Variants in NR3C2 observed in about 807,000 individuals in gnomAD.
The protein encoded by NR3C2 is mineralocorticoid receptor.
A neutral mutation model predicts 86.4 loss-of-function variants in NR3C2; 15 were observed. The observed-to-expected ratio is 0.17, with a 90% CI of 0.12 to 0.27. NR3C2 has a LOEUF of 0.27. Among genes scored for constraint, NR3C2 ranks in the 10% least tolerant of loss-of-function variants. NR3C2 has a pLI of 1.00. For synonymous variants in NR3C2, 458 were observed against 450.5 expected, an observed-to-expected ratio of 1.02 and a Z score of -0.21; for missense variants, 960 against 1,195.6, an observed-to-expected ratio of 0.80 and a Z score of 2.91.
intron 2 of NR3C2, among the ~76,000 whole-genome samples, chr4:148,345,268 G>C (rs907768120): frequency 1.3e-5 from 2 of 151,888 alleles, no homozygotes; most frequent in Non-Finnish European, 2.9e-5. Flanking sequence ...ATTTCAGAGA[G>C]AGACAATACA....
chr4:148,397,508 T>C (rs1381275232), intron 2 of NR3C2, among the ~76,000 whole-genome samples: 1 of 152,216 alleles, frequency 6.6e-6, no homozygotes. Context: ...CCTGCCAAAA[T>C]GTATTATCAC....
rs754959286 is a variant in NR3C2 at position 148,080,848 on chromosome 4, AACAGGAATCTGT to A, written c.*484_*495del. The A allele has an allele frequency of 2.5e-6, 1 of 407,370 alleles. No homozygotes were observed. Among genetic ancestry groups the A allele is most frequent in the South Asian group, 1.8e-5 (1 of 55,966 alleles). The allele number at this position is 407,370 out of a possible 1,614,324, so 25.2% of individuals were successfully genotyped here. Reference sequence around the variant, plus strand: ...CACGCCACGAGTTCTGTTATTACACAACAGGAATCTGTATATATTTTTTTATTATTTTTTTGT... The same window carrying A: ...CACGCCACGAGTTCTGTTATTACACAATATATTTTTTTATTATTTTTTTGT... On this transcript the variant is annotated 3_prime_UTR_variant, in exon 9 of 9. Transcript: ENST00000358102.
chr4:148,246,801 G>T (rs1346728292), intron 3 of NR3C2, among the ~76,000 whole-genome samples: 1 of 152,090 alleles, frequency 6.6e-6, no homozygotes, highest in Non-Finnish European at 1.5e-5. Flanking sequence ...GATCCGCCCC[G>T]CCTTGGCCTC....
intron 4 of NR3C2, among the ~76,000 whole-genome samples, chr4:148,171,817 G>A (rs1374552363): frequency 1.3e-5 from 2 of 152,186 alleles, no homozygotes; most frequent in South Asian, 2.1e-4. Context: ...CTTAAACACA[G>A]CACTGCTTAT....
At chr4:148,241,480 T>G (rs1739043693) in intron 3 of NR3C2, among the ~76,000 whole-genome samples, 2 of 151,852 alleles carry the variant, frequency 1.3e-5, no homozygotes, top group Non-Finnish European at 2.9e-5. Flanking sequence ...TCTTTGGCAT[T>G]CTAGCCTCCT....
chr4:148,126,134 G>C (rs1285740017), intron 6 of NR3C2, among the ~76,000 whole-genome samples: 1 of 152,238 alleles, frequency 6.6e-6, no homozygotes, highest in Non-Finnish European at 1.5e-5. Flanking sequence ...CAGCCCATCA[G>C]CCTTTCAGCA....
In NR3C2 at chr4:148,096,672, T is replaced by G. The variant is rs546891127; in HGVS notation, c.2800-15173A>C. Among the ~76,000 whole-genome samples the G allele has an allele frequency of 4.6e-5, 7 of 152,254 alleles. No homozygotes were observed. The East Asian group carries it at 1.4e-3, about 30-fold the overall frequency. On this transcript the variant is annotated intron_variant, in intron 8 of 8. Transcript: ENST00000358102. ...TTTTAAGTTTTTTCCATGTTTGTGT[T>G]TTTTATACTTTTAAATGACTGAAAA...
intron 2 of NR3C2, among the ~76,000 whole-genome samples, chr4:148,364,704 C>T (rs1427542919): frequency 1.3e-5 from 2 of 152,090 alleles, no homozygotes; most frequent in Non-Finnish European, 2.9e-5. Flanking sequence ...GTGTAGTCAT[C>T]ATGTGGCACA....
chr4:148,265,085 G>T (rs749852471), intron 2 of NR3C2, among the ~76,000 whole-genome samples: 12 of 152,104 alleles, frequency 7.9e-5, no homozygotes, highest in Non-Finnish European at 1.6e-4. Flanking sequence ...ATCAGCAAAG[G>T]TAGTTCAGAG....
chr4:148,280,338 GTTAC>G (rs1462652304), intron 2 of NR3C2, among the ~76,000 whole-genome samples: 1 of 152,112 alleles, frequency 6.6e-6, no homozygotes, highest in Non-Finnish European at 1.5e-5. Context: ...TATAAATACA[GTTAC>G]TTATTCACCT....
At chr4:148,140,465 T>C (rs548915973) in intron 6 of NR3C2, among the ~76,000 whole-genome samples, 46 of 152,274 alleles carry the variant, frequency 3.0e-4, no homozygotes, top group Non-Finnish European at 4.6e-4. Flanking sequence ...GCCCAGGAGA[T>C]TGAGGCTGCA....
At chr4:148,438,289 T>C (rs1478562644) in intron 1 of NR3C2, among the ~76,000 whole-genome samples, 3 of 152,132 alleles carry the variant, frequency 2.0e-5, no homozygotes, top group Non-Finnish European at 4.4e-5. Context: ...ACTGAAAATG[T>C]CTCCAGACAT....
At chr4:148,327,522 G>A (rs1255217510) in intron 2 of NR3C2, among the ~76,000 whole-genome samples, 1 of 152,188 alleles carries the variant, frequency 6.6e-6, no homozygotes, top group Non-Finnish European at 1.5e-5. Flanking sequence ...TGGAATGCCT[G>A]TTCTTCCCCA....
chr4:148,300,170 G>A (rs561141827), intron 2 of NR3C2, among the ~76,000 whole-genome samples: 1 of 152,350 alleles, frequency 6.6e-6, no homozygotes, highest in African/African-American at 2.4e-5. Context: ...AGTATGACCT[G>A]TAACCACATG....
chr4:148,221,247 C>T (rs555817184), intron 3 of NR3C2, among the ~76,000 whole-genome samples: 1 of 152,272 alleles, frequency 6.6e-6, no homozygotes, highest in Admixed American at 6.5e-5. Context: ...CTATGTGAAC[C>T]TATCAATAAT....
At chr4:148,267,659 G>A (rs1579085806) in intron 2 of NR3C2, among the ~76,000 whole-genome samples, 1 of 152,112 alleles carries the variant, frequency 6.6e-6, no homozygotes, top group Non-Finnish European at 1.5e-5. Flanking sequence ...GGCTCCCCTG[G>A]TGTCTGCAGT....
chr4:148,368,403 T>G (rs572247423), intron 2 of NR3C2: 10 of 152,270 alleles, frequency 6.6e-5, no homozygotes, highest in Admixed American at 5.9e-4. Context: ...TTACTACCTC[T>G]TCAAAGAAGA....
intron 2 of NR3C2, among the ~76,000 whole-genome samples, chr4:148,388,920 G>A (rs556942271): frequency 3.0e-4 from 46 of 152,296 alleles, no homozygotes; most frequent in African/African-American, 1.1e-3. Flanking sequence ...AGGGACAAAT[G>A]CTCTCATACA....
At chr4:148,154,383 T>G (rs945587223) in intron 5 of NR3C2, among the ~76,000 whole-genome samples, 168 bp downstream of exon 5, 1 of 152,204 alleles carries the variant, frequency 6.6e-6, no homozygotes, top group African/African-American at 2.4e-5. Flanking sequence ...AATGAGCACA[T>G]TAACCATATT....
Sources: allele counts gnomAD v4.1 joint callset (sites outside exome capture counted in the v4.1 genomes callset), GRCh38; gene constraint gnomAD v4.1.1; transcripts MANE v1.5; gene names NCBI Gene and HGNC (gene_info 2026-07-23, HGNC 2026-07-21).